Variants in SLC35H1 observed in about 807,000 individuals in gnomAD.
SLC35H1 encodes the protein solute carrier family 35 member H1.
chr20:46,352,513 G>T, the SLC35H1 span: 11 of 346,926 alleles, frequency 3.2e-5, 1 homozygote, highest in South Asian at 4.4e-4. Context: ...GGACCCTAGC[G>T]GGATGATGGG....
At chr20:46,352,440 G>C in the SLC35H1 span, 1 of 558,904 alleles carries the variant, frequency 1.8e-6, no homozygotes, top group Admixed American at 3.2e-5. Context: ...ATGGCTGCCA[G>C]AGCGCCTGGG....
chr20:46,357,299 G>A, the SLC35H1 span, among the ~76,000 whole-genome samples: 1 of 152,372 alleles, frequency 6.6e-6, no homozygotes, highest in Admixed American at 6.5e-5. Flanking sequence ...AGCCCTGCGA[G>A]GGCAGGGACC....
the SLC35H1 span, chr20:46,352,248 A>AGT: frequency 6.2e-7 from 1 of 1,612,176 alleles, no homozygotes. Context: ...AGGGAGAGAG[A>AGT]GTGGGAGGCC....
At chr20:46,360,042 T>C in the SLC35H1 span, among the ~76,000 whole-genome samples, 3 of 152,200 alleles carry the variant, frequency 2.0e-5, no homozygotes, top group Non-Finnish European at 2.9e-5. Flanking sequence ...GATATGCTCC[T>C]GGCGTTCAGT....
At chr20:46,348,202 G>A in the SLC35H1 span, 1 of 152,240 alleles carries the variant, frequency 6.6e-6, no homozygotes, top group Non-Finnish European at 1.5e-5. Context: ...CCCTCCTTTA[G>A]GTTCAGCTGG....
chr20:46,355,611 C>A, the SLC35H1 span, among the ~76,000 whole-genome samples: 1 of 152,184 alleles, frequency 6.6e-6, no homozygotes, highest in Non-Finnish European at 1.5e-5. The surrounding 1 kb of genome is among the most constrained non-coding windows in gnomAD (Gnocchi z 4.8). Context: ...TTGGTCATTA[C>A]CCTGCCACAC....
At chr20:46,356,684 C>G in the SLC35H1 span, 1 of 1,577,710 alleles carries the variant, frequency 6.3e-7, no homozygotes, top group East Asian at 2.3e-5. Flanking sequence ...GGTCCACACT[C>G]TGCTGGGGTG....
chr20:46,356,087 C>T, the SLC35H1 span, among the ~76,000 whole-genome samples: 1 of 152,188 alleles, frequency 6.6e-6, no homozygotes, highest in Non-Finnish European at 1.5e-5. Context: ...ACGTTGAGCT[C>T]CCTGAGTCCT....
the SLC35H1 span, chr20:46,346,014 C>T: frequency 2.0e-5 from 3 of 152,114 alleles, no homozygotes; most frequent in African/African-American, 2.4e-5. Context: ...TTAATGACTT[C>T]GATATCTCCA....
At chr20:46,355,473 G>A in the SLC35H1 span, 19 of 627,116 alleles carry the variant, frequency 3.0e-5, no homozygotes, top group Non-Finnish European at 4.7e-5. The surrounding 1 kb of genome is among the most constrained non-coding windows in gnomAD (Gnocchi z 4.8). Context: ...CCACACTGAC[G>A]GCTGTCCTAG....
the SLC35H1 span, among the ~76,000 whole-genome samples, chr20:46,361,162 T>G: frequency 6.6e-6 from 1 of 152,274 alleles, no homozygotes; most frequent in Admixed American, 6.5e-5. Flanking sequence ...TGTCTGAAAC[T>G]GACTCGTGTT....
At chr20:46,352,436 G>C in the SLC35H1 span, 1 of 562,256 alleles carries the variant, frequency 1.8e-6, no homozygotes, top group Non-Finnish European at 3.2e-6. Context: ...AGTGATGGCT[G>C]CCAGAGCGCC....
chr20:46,363,093 A>G, the SLC35H1 span: 1 of 152,192 alleles, frequency 6.6e-6, no homozygotes, highest in African/African-American at 2.4e-5. Context: ...TACCTTACAC[A>G]ATGGATCACT....
chr20:46,352,353 C>T, the SLC35H1 span: 1 of 820,864 alleles, frequency 1.2e-6, no homozygotes, highest in Non-Finnish European at 1.9e-6. Flanking sequence ...CTGTCTGCAG[C>T]CCAGAGAAAA....
the SLC35H1 span, chr20:46,358,283 G>T: frequency 9.2e-7 from 1 of 1,081,760 alleles, no homozygotes; most frequent in Non-Finnish European, 1.4e-6. Flanking sequence ...CTTCCAGTTA[G>T]ACTGGTTGAA....
chr20:46,352,098 C>T, the SLC35H1 span: 2 of 1,614,044 alleles, frequency 1.2e-6, no homozygotes, highest in African/African-American at 2.7e-5. Flanking sequence ...GTTCTGGAGA[C>T]CAGGAGGAAC....
chr20:46,352,444 G>C, the SLC35H1 span: 1 of 553,006 alleles, frequency 1.8e-6, no homozygotes. Flanking sequence ...CTGCCAGAGC[G>C]CCTGGGGGCA....
the SLC35H1 span, chr20:46,346,070 T>C: frequency 6.6e-6 from 1 of 152,312 alleles, no homozygotes; most frequent in African/African-American, 2.4e-5. Context: ...CCAGAAACAC[T>C]GATGGAATGC....
the SLC35H1 span, chr20:46,347,057 G>A: frequency 2.6e-5 from 4 of 152,228 alleles, no homozygotes; most frequent in Non-Finnish European, 5.9e-5. Context: ...ACTATGAGCC[G>A]AGCACTGTGT....
Sources: allele counts gnomAD v4.1 joint callset (sites outside exome capture counted in the v4.1 genomes callset), GRCh38; gene constraint gnomAD v4.1.1; non-coding constraint Gnocchi (gnomAD v3.1); transcripts MANE v1.5; gene names NCBI Gene and HGNC (gene_info 2026-07-23, HGNC 2026-07-21).